Variants in ZNF608 observed in about 807,000 individuals in gnomAD.
The protein encoded by ZNF608 is renal carcinoma antigen NY-REN-36.
In ZNF608, 12 loss-of-function variants were observed where a neutral mutation model predicts 109.0. The ratio of observed to expected loss-of-function variants is 0.11; its 90% confidence interval spans 0.07 to 0.18. The LOEUF is 0.18. Ranked by LOEUF, ZNF608 falls within the 10% of genes least tolerant of loss-of-function variation. The pLI is 1.00. For missense variants in ZNF608, 1,707 were observed against 1,879.3 expected (o/e 0.91, Z 1.70); for synonymous variants, 732 against 717.4 (o/e 1.02, Z -0.33).
chr5:124,701,781 T>G (rs1049676979), intron 2 of ZNF608, among the ~76,000 whole-genome samples: 5 of 151,802 alleles, frequency 3.3e-5, no homozygotes, highest in Non-Finnish European at 7.4e-5. Context: ...ATACATAAAC[T>G]TTACAATCTA....
rs1750633621 is a variant in ZNF608 at position 124,648,407 on chromosome 5, A to G, written c.1977T>C (p.Asn659=). The change falls in exon 5 of 10, where the codon AAT becomes AAC. Residue 659 remains asparagine, a synonymous_variant. Coordinates refer to ENST00000513986, the MANE Select transcript of ZNF608 (RefSeq NM_020747.3). The stretch of plus-strand genomic sequence containing the variant: ...TGTTAAGGCCCTTCTTTTTGCCAGA[A>G]TTCTTCCCAGCTTTAGCACCAATAA... ...GSIIGAKAGK[N]SGKKKGLNNE... 1 of 1,614,030 alleles carries G rather than the reference A, an allele frequency of 6.2e-7. No homozygotes were observed. Among genetic ancestry groups the G allele is most frequent in the South Asian group, 1.1e-5 (1 of 91,092 alleles).
chr5:124,702,062 G>A (rs985520652), intron 2 of ZNF608, among the ~76,000 whole-genome samples: 4 of 152,158 alleles, frequency 2.6e-5, no homozygotes, highest in African/African-American at 9.7e-5. Flanking sequence ...TGGTGCAATG[G>A]CATCCCCTTT....
chr5:124,737,942 C>T (rs773815241), intron 2 of ZNF608, among the ~76,000 whole-genome samples: 1 of 152,160 alleles, frequency 6.6e-6, no homozygotes, highest in Non-Finnish European at 1.5e-5. Flanking sequence ...AGTGAAACTG[C>T]AGTTGGGAGA....
chr5:124,744,630 A>G lies in ZNF608; in HGVS notation c.360T>C (p.Pro120=), dbSNP rs370470104. ...KTSKDANKSL[P]SAALYGIPEI... is the part of the protein sequence containing the mutation. ...CGGGAATCCCATACAAGGCAGCAGAAGGCAGAGATTTATTAGCATCCTTAG... is the reference window on the plus strand; with the variant it reads ...CGGGAATCCCATACAAGGCAGCAGAGGGCAGAGATTTATTAGCATCCTTAG... The change falls in exon 2 of 10, where the codon CCT becomes CCC. Residue 120 remains proline, a synonymous_variant. Transcript: ENST00000513986. This position sits in a 1 kb window ranked among gnomAD's most constrained non-coding sequence, Gnocchi z 4.5. 11 of 1,614,218 alleles carry G rather than the reference A, an allele frequency of 6.8e-6. No homozygotes were observed. The Admixed American group carries it at 1.0e-4, about 15-fold the overall frequency.
chr5:124,686,309 G>A (rs981487312), intron 3 of ZNF608, among the ~76,000 whole-genome samples: 8 of 152,164 alleles, frequency 5.3e-5, no homozygotes, highest in Non-Finnish European at 7.3e-5. Flanking sequence ...AGGAGTCTAC[G>A]AAGAGACAAG....
chr5:124,732,199 A>T (rs1193713913), intron 2 of ZNF608, among the ~76,000 whole-genome samples: 1 of 152,220 alleles, frequency 6.6e-6, no homozygotes, highest in African/African-American at 2.4e-5. Context: ...CAATTCAGAT[A>T]TTTAAAAGTT....
chr5:124,708,140 T>G (rs1580668776), intron 2 of ZNF608: 1 of 152,368 alleles, frequency 6.6e-6, no homozygotes, highest in East Asian at 1.9e-4. Context: ...TCTCTGATCT[T>G]AAAGTCCATG....
Position 124,647,432 on chromosome 5 carries a change from T to C in ZNF608, c.2952A>G (p.Ala984=), listed in dbSNP as rs747119014. ...SVVKGHSSTT[A]QSSQLKESHS... is the part of the protein sequence containing the mutation. ...GGGACTCTTTCAGTTGAGATGATTG[T>C]GCTGTAGTTGAAGAATGCCCTTTTA... Residue 984 remains alanine, a synonymous_variant, in exon 5 of 10, where the codon GCA becomes GCG. Coordinates refer to ENST00000513986, the MANE Select transcript of ZNF608 (RefSeq NM_020747.3). 1.9e-5 allele frequency: 30 copies of C among 1,614,122 alleles called. 1 individual carries two copies. The Middle Eastern group carries it at 2.5e-3, about 133-fold the overall frequency.
At position 124,646,230 on chromosome 5, in the gene ZNF608, A is replaced by G. The variant is rs1304466133; in HGVS notation, c.3705+449T>C. The stretch of plus-strand genomic sequence containing the variant: ...CAAAAAATTAGCCGGGCATGGTGGC[A>G]CGTGCCTGTAGTCCCAGCTACTCAG... On this transcript the variant is annotated intron_variant, in intron 5 of 9. Transcript: ENST00000513986. Among the ~76,000 whole-genome samples the G allele has an allele frequency of 2.6e-5, 4 of 152,250 alleles. No homozygotes were observed. The East Asian group carries it at 7.7e-4, about 29-fold the overall frequency.
At chr5:124,684,591 G>T (rs188771350) in intron 3 of ZNF608, among the ~76,000 whole-genome samples, 1 of 152,142 alleles carries the variant, frequency 6.6e-6, no homozygotes, top group Non-Finnish European at 1.5e-5. Flanking sequence ...AGGAGAGGAC[G>T]CAACAGCAGG....
rs777586052 is a variant in ZNF608 at position 124,744,047 on chromosome 5, G to GGA, written c.906+35_906+36dup. 1.3e-6 allele frequency: 2 copies of GGA among 1,547,706 alleles called. No homozygotes were observed. The highest frequency in any genetic ancestry group is 2.7e-5 in the African/African-American group (2 of 73,090). On this transcript the variant is annotated intron_variant, in intron 2 of 9. Transcript: ENST00000513986. The surrounding 1 kb of genome is among the most constrained non-coding windows in gnomAD (Gnocchi z 4.5). ...ACACACCCACACAAATGCACACAGA[G>GGA]GAGAGTAGGACATCTAGGAAGGCGA...
upstream of ZNF608, among the ~76,000 whole-genome samples, chr5:124,748,178 T>C (rs1373173889): frequency 6.6e-6 from 1 of 152,114 alleles, no homozygotes. Flanking sequence ...CCTGGATCGC[T>C]TTGGGAGGGG....
At chr5:124,706,003 G>A (rs913476995) in intron 2 of ZNF608, among the ~76,000 whole-genome samples, 4 of 152,198 alleles carry the variant, frequency 2.6e-5, no homozygotes, top group African/African-American at 9.7e-5. Context: ...CTGCCCTTCT[G>A]GACTGACTGT....
At chr5:124,716,544 C>T (rs1753712347) in intron 2 of ZNF608, among the ~76,000 whole-genome samples, 1 of 152,106 alleles carries the variant, frequency 6.6e-6, no homozygotes, top group Non-Finnish European at 1.5e-5. Flanking sequence ...AAACTTGCCA[C>T]CTAGATTTAA....
At chr5:124,693,015 T>C (rs1561563624) in intron 3 of ZNF608, among the ~76,000 whole-genome samples, 2 of 152,328 alleles carry the variant, frequency 1.3e-5, no homozygotes, top group East Asian at 1.9e-4. Context: ...TAAGTGGTAA[T>C]GACTGTTGAG....
chr5:124,672,989 A>G (rs1338742893), intron 3 of ZNF608, among the ~76,000 whole-genome samples: 1 of 152,210 alleles, frequency 6.6e-6, no homozygotes, highest in Non-Finnish European at 1.5e-5. Flanking sequence ...ACAGGAAAAA[A>G]GGGTAACTGC....
intron 2 of ZNF608, among the ~76,000 whole-genome samples, chr5:124,731,528 A>G (rs73298958): frequency 0.092 from 13,966 of 152,026 alleles, 1,277 homozygotes; most frequent in African/African-American, 0.24. Context: ...ACAAGATTTA[A>G]AAGTTTGGAG....
intron 2 of ZNF608, among the ~76,000 whole-genome samples, chr5:124,739,089 T>A (rs945558792): frequency 6.6e-5 from 10 of 152,174 alleles, no homozygotes. Context: ...CTTTCTCGAC[T>A]CTTTTGTCAG....
chr5:124,735,404 G>A (rs1023698000), intron 2 of ZNF608, among the ~76,000 whole-genome samples: 16 of 152,194 alleles, frequency 1.1e-4, no homozygotes, highest in Non-Finnish European at 1.9e-4. Context: ...GGAACGCGCA[G>A]CCCCGGGCCC....
Sources: allele counts gnomAD v4.1 joint callset (sites outside exome capture counted in the v4.1 genomes callset), GRCh38; gene constraint gnomAD v4.1.1; non-coding constraint Gnocchi (gnomAD v3.1); transcripts MANE v1.5; gene names NCBI Gene and HGNC (gene_info 2026-07-23, HGNC 2026-07-21).